The following HDAC9 variants were observed in gnomAD, a reference collection of about 807,000 sequenced individuals.
HDAC9 encodes the protein histone deacetylase 9, also known as MEF-2 interacting transcription repressor (MITR) protein.
A neutral mutation model predicts 139.4 loss-of-function variants in HDAC9; 41 were observed. That is an observed-to-expected ratio of 0.29 (90% CI 0.23 to 0.38). HDAC9 has a LOEUF of 0.38. Among genes scored for constraint, HDAC9 ranks in the 10% least tolerant of loss-of-function variants. The pLI, the probability that HDAC9 is intolerant of heterozygous loss-of-function variation, is 1.00. For synonymous variants in HDAC9, 517 were observed against 476.2 expected (o/e 1.09, Z -1.12); for missense variants, 1,147 against 1,297.0 (o/e 0.88, Z 1.78).
chr7:18,093,778 C>T (rs1006662760), intron 1 of HDAC9, among the ~76,000 whole-genome samples: 3 of 152,084 alleles, frequency 2.0e-5, no homozygotes, highest in African/African-American at 4.8e-5. Context: ...AGACATTCTT[C>T]CTTTGTTCTT....
intron 16 of HDAC9, among the ~76,000 whole-genome samples, chr7:18,768,647 T>C (rs1790028311): frequency 6.6e-6 from 1 of 152,128 alleles, no homozygotes; most frequent in Non-Finnish European, 1.5e-5. Flanking sequence ...TGCCTACCTG[T>C]AAATGGGGCA....
intron 2 of HDAC9, among the ~76,000 whole-genome samples, chr7:18,509,641 T>C (rs1800858015): frequency 6.6e-6 from 1 of 152,222 alleles, no homozygotes; most frequent in Non-Finnish European, 1.5e-5. Context: ...TGGTCATCAC[T>C]GGGGAAAATT....
chr7:18,929,547 T>A (rs1418819890), intron 22 of HDAC9, among the ~76,000 whole-genome samples: 1 of 152,230 alleles, frequency 6.6e-6, no homozygotes, highest in Non-Finnish European at 1.5e-5. Flanking sequence ...CCAGGCTACA[T>A]GTAGGATTCT....
intron 13 of HDAC9, among the ~76,000 whole-genome samples, chr7:18,730,296 A>C (rs1224504658): frequency 6.6e-6 from 1 of 152,146 alleles, no homozygotes; most frequent in Admixed American, 6.5e-5. Flanking sequence ...TAGCCTGAAA[A>C]CTACTGTAAT....
intron 2 of HDAC9, among the ~76,000 whole-genome samples, chr7:18,258,538 A>C (rs1795430762): frequency 6.6e-6 from 1 of 152,172 alleles, no homozygotes; most frequent in Non-Finnish European, 1.5e-5. Context: ...ATTTAGTTGT[A>C]AACAAGTTGA....
intron 25 of HDAC9, among the ~76,000 whole-genome samples, chr7:18,977,410 A>G (rs1416737542): frequency 6.6e-6 from 1 of 152,222 alleles, no homozygotes. Context: ...CTAAATTCCA[A>G]CCTGAGTGAA....
chr7:18,503,761 G>C (rs1025980991), intron 2 of HDAC9, among the ~76,000 whole-genome samples: 2 of 152,098 alleles, frequency 1.3e-5, no homozygotes, highest in African/African-American at 4.8e-5. Flanking sequence ...TTCTCCTTAT[G>C]GTTCACCACT....
intron 1 of HDAC9, among the ~76,000 whole-genome samples, chr7:18,339,805 A>G (rs1218240360): frequency 6.6e-6 from 1 of 151,538 alleles, no homozygotes; most frequent in South Asian, 2.1e-4. Flanking sequence ...ATTGCACACA[A>G]TGTGGTCTAT....
chr7:18,515,426 G>T (rs1802859029), intron 2 of HDAC9, among the ~76,000 whole-genome samples: 1 of 152,122 alleles, frequency 6.6e-6, no homozygotes, highest in Admixed American at 6.5e-5. Context: ...AGTTTGCAAA[G>T]ATTTCTAACT....
chr7:18,393,747 TTTTTGTG>T (rs1278377697), intron 1 of HDAC9, among the ~76,000 whole-genome samples: 2 of 152,140 alleles, frequency 1.3e-5, no homozygotes, highest in African/African-American at 4.8e-5. Context: ...GCTTTTTGAT[TTTTTGTG>T]TTTTGTGTTT....
Position 18,975,813 on chromosome 7 carries a change from T to C in HDAC9, c.3030T>C (p.Tyr1010=). The part of the protein sequence containing the change: ...LQKIIEIQSK[Y]WKSVRMVAVP... ...GATGGATGTTTTTCCTAGGCAAGTATTGGAAGTCAGTAAGGATGGTGGCTG... is the reference window on the plus strand; with the variant it reads ...GATGGATGTTTTTCCTAGGCAAGTACTGGAAGTCAGTAAGGATGGTGGCTG... The change falls in exon 25 of 26, where the codon TAT becomes TAC. Residue 1010 remains tyrosine, a synonymous_variant. Coordinates refer to ENST00000686413, the MANE Select transcript of HDAC9 (RefSeq NM_178425.4). 2 of 1,613,754 alleles carry C rather than the reference T, an allele frequency of 1.2e-6. No homozygotes were observed. The highest frequency in any genetic ancestry group is 1.7e-6 in the Non-Finnish European group (2 of 1,179,756).
intron 22 of HDAC9, among the ~76,000 whole-genome samples, chr7:18,920,293 C>G (rs1199202113): frequency 6.6e-6 from 1 of 151,658 alleles, no homozygotes; most frequent in African/African-American, 2.4e-5. Context: ...ATTTGGCTCT[C>G]TGTCTGTTGT....
intron 16 of HDAC9, among the ~76,000 whole-genome samples, chr7:18,770,408 C>T (rs938140534): frequency 9.9e-5 from 15 of 152,134 alleles, no homozygotes; most frequent in Admixed American, 9.8e-4. Flanking sequence ...AGTGCAGGAT[C>T]TCTTCAGTTC....
intron 12 of HDAC9, among the ~76,000 whole-genome samples, chr7:18,726,252 C>G (rs774646658): frequency 8.5e-5 from 13 of 152,158 alleles, no homozygotes; most frequent in Non-Finnish European, 1.5e-4. Flanking sequence ...CAGTAAGTTT[C>G]TCAGCCAGTG....
intron 1 of HDAC9, among the ~76,000 whole-genome samples, chr7:18,457,535 G>A (rs567835338): frequency 2.6e-5 from 4 of 152,230 alleles, no homozygotes; most frequent in South Asian, 2.1e-4. Context: ...TTAATTGAGA[G>A]TTTCTTTCTG....
At chr7:18,756,826 G>A (rs369701592) in intron 14 of HDAC9, among the ~76,000 whole-genome samples, 9 of 151,706 alleles carry the variant, frequency 5.9e-5, no homozygotes, top group East Asian at 3.9e-4. Context: ...CCAAAAGCCT[G>A]TTAGGCCACC....
intron 1 of HDAC9, among the ~76,000 whole-genome samples, chr7:18,122,685 C>A (rs1199506803): frequency 6.6e-6 from 1 of 152,156 alleles, no homozygotes; most frequent in East Asian, 1.9e-4. Flanking sequence ...ACAGCATGAT[C>A]TCAGCTCACT....
At position 18,647,970 on chromosome 7, in the gene HDAC9, A is replaced by T; in HGVS notation, c.1221A>T (p.Gln407His). Residue 407 changes from glutamine to histidine, a missense_variant, in exon 10 of 26, where the codon CAA (glutamine) becomes CAT (histidine). By Grantham distance (24) the Gln-to-His change is conservative. Coordinates refer to ENST00000686413, the MANE Select transcript of HDAC9 (RefSeq NM_178425.4). ...TGCAGCATTTATTATTGAAAGAACA[A>T]ATGCGACAGCAAAAGCTTCTTGTAG... is the stretch of plus-strand genomic sequence containing the variant. ...ALLQHLLLKEQMRQQKLLVAG... is the reference protein window; with the variant it reads ...ALLQHLLLKEHMRQQKLLVAG... 2.5e-6 allele frequency: 4 copies of T among 1,611,302 alleles called. No individual in the cohort carries two copies. Among genetic ancestry groups the T allele is most frequent in the Non-Finnish European group, 3.4e-6 (4 of 1,178,732 alleles).
intron 2 of HDAC9, among the ~76,000 whole-genome samples, chr7:18,237,288 G>A (rs2128187650): frequency 6.6e-6 from 1 of 152,292 alleles, no homozygotes; most frequent in African/African-American, 2.4e-5. Context: ...TGCTGATTTG[G>A]AAATATCTAG....
Sources: gnomAD v4.1 joint callset for allele counts (sites outside exome capture counted in the v4.1 genomes callset) on GRCh38, gnomAD v4.1.1 for gene constraint, MANE v1.5 for transcripts, NCBI Gene and HGNC (gene_info 2026-07-23, HGNC 2026-07-21) for gene names.